The following TRIM28 variants were observed in gnomAD, a reference collection of about 807,000 sequenced individuals.
The protein encoded by TRIM28 is transcription intermediary factor 1-beta.
Under a neutral mutation model 87.4 loss-of-function variants are expected in TRIM28, and 8 were observed. The observed-to-expected ratio is 0.09, with a 90% CI of 0.05 to 0.17. The LOEUF is 0.17. TRIM28 is among the 10% of genes least tolerant of loss of function. The pLI is 1.00. For synonymous variants in TRIM28, 601 were observed against 454.3 expected (o/e 1.32, Z -4.11); for missense variants, 968 against 1,131.8 (o/e 0.86, Z 2.08).
chr19:58,547,711 C>T lies in TRIM28; in HGVS notation c.837C>T (p.Ser279=). 1.2e-6 allele frequency: 2 copies of T among 1,614,120 alleles called. No homozygotes were observed. Among genetic ancestry groups the T allele is most frequent in the Non-Finnish European group, 1.7e-6 (2 of 1,180,016 alleles). The change falls in exon 5 of 17, where the codon AGC becomes AGT. Residue 279 remains serine (S), a splice_region_variant and synonymous_variant. Transcript: ENST00000253024. ...AGAAGAGCACCAAGGAGGTTCGCAG[C>T]TCGTAAGTGTGGGTTCTGGGGCTGT... ...TLQKSTKEVR[S]SIRQVSDVQK...
Position 58,548,467 on chromosome 19 carries a change from TTC to T in TRIM28, c.1217-13_1217-12del, listed in dbSNP as rs745880089. 5.0e-5 allele frequency: 80 copies of T among 1,614,064 alleles called. 1 individual carries two copies. In the East Asian group the frequency reaches 1.5e-3, roughly 30 times the overall value. On this transcript the variant is annotated splice_polypyrimidine_tract_variant and intron_variant, in intron 8 of 16. Coordinates refer to ENST00000253024, the MANE Select transcript of TRIM28 (RefSeq NM_005762.3). ...CCCCACGTGCTGCACCTACTTACGT[TTC>T]TCTCTTCTTTTTGCAGGCAAGATTG...
rs376171251 is a variant in TRIM28 at position 58,548,338 on chromosome 19, C to T, written c.1146C>T (p.Pro382=). 7.4e-6 allele frequency: 12 copies of T among 1,614,036 alleles called. No homozygotes were observed. Among genetic ancestry groups the T allele is most frequent in the Admixed American group, 3.3e-5 (2 of 59,996 alleles). Residue 382 remains proline, a synonymous_variant, in exon 8 of 17, where the codon CCC becomes CCT. Transcript: ENST00000253024. The part of the protein sequence containing the change: ...LHRALKMIVD[P]VEPHGEMKFQ... ...GGGCCCTCAAGATGATTGTGGATCC[C>T]GTGGAGCCACATGGCGAGATGAAGT...
Position 58,548,144 on chromosome 19 carries a change from T to A in TRIM28, c.1065T>A (p.Ser355Arg). The A allele has an allele frequency of 6.2e-7, 1 of 1,613,990 alleles. No individual in the cohort carries two copies. The highest frequency in any genetic ancestry group is 2.2e-5 in the East Asian group (1 of 44,892). The change falls in exon 7 of 17, where the codon AGT becomes AGA. Residue 355 changes from serine (S) to arginine (R), a missense_variant. Ser to Arg is a moderately radical substitution (Grantham distance 110). Transcript: ENST00000253024. Reference sequence around the variant, plus strand: ...GCTTTGCCTCTTGGGCTCTGGAGAGTGACAACAACACAGCCCTTTTGCTTT... The same window carrying A: ...GCTTTGCCTCTTGGGCTCTGGAGAGAGACAACAACACAGCCCTTTTGCTTT... ...ILRFASWALE[S>R]DNNTALLLSK... is the part of the protein sequence containing the mutation.
In TRIM28 at chr19:58,545,027, C is replaced by T. The variant is rs1340250841; in HGVS notation, c.270C>T (p.Ala90=). 2.7e-6 allele frequency: 4 copies of T among 1,481,798 alleles called. No homozygotes were observed. The highest frequency in any genetic ancestry group is 3.5e-6 in the Non-Finnish European group (4 of 1,130,158). The allele number at this position is 1,481,798 out of a possible 1,614,324, so 91.8% of individuals were successfully genotyped here. Residue 90 remains alanine (A), a synonymous_variant, in exon 1 of 17, where the codon GCC becomes GCT. Transcript: ENST00000253024. ...CCTGTTTGCACTCGGCCTGTAGTGC[C>T]TGCTTAGGGCCCGCGGCCCCCGCCG... The part of the protein sequence containing the change: ...LLPCLHSACS[A]CLGPAAPAAA...
At chr19:58,550,345 C>A (rs1182888101) in intron 16 of TRIM28, 32 bp from the exon 17 acceptor site, 5 of 1,612,782 alleles carry the variant, frequency 3.1e-6, no homozygotes, top group Non-Finnish European at 4.2e-6. Flanking sequence ...GAACTAGGAC[C>A]CATTCATCCA....
At chr19:58,550,072 G>A (rs777935542) in intron 15 of TRIM28, 37 bp downstream of exon 15, 3 of 1,613,602 alleles carry the variant, frequency 1.9e-6, no homozygotes, top group Admixed American at 1.7e-5. Flanking sequence ...GGGGGTGGTG[G>A]CTGCTGGGTC....
At chr19:58,546,893 A>G (rs949013823) in intron 3 of TRIM28, among the ~76,000 whole-genome samples, 7 of 152,088 alleles carry the variant, frequency 4.6e-5, no homozygotes, top group Non-Finnish European at 1.0e-4. Context: ...AACCTCTACA[A>G]GGTTTCCTCT....
At chr19:58,546,554 G>T (rs943067825) in intron 3 of TRIM28, among the ~76,000 whole-genome samples, 1 of 152,194 alleles carries the variant, frequency 6.6e-6, no homozygotes, top group Admixed American at 6.5e-5. Context: ...GAAGGTGGTG[G>T]CTGTGGGGCC....
rs2053742354 is a variant in TRIM28, at chr19:58,544,624, G to C, written c.-134G>C. On this transcript the variant is annotated 5_prime_UTR_variant, in exon 1 of 17. Transcript: ENST00000253024. ...CCGCGCGCGGCGGGCAGCGGCCCAG[G>C]AGGCGCGTGGCGGCGCTCGGCCTCG... The C allele has an allele frequency of 4.5e-6, 1 of 223,986 alleles. No homozygotes were observed. Among genetic ancestry groups the C allele is most frequent in the Non-Finnish European group, 7.4e-6 (1 of 134,904 alleles). The allele number at this position is 223,986 out of a possible 1,614,324, so 13.9% of individuals were successfully genotyped here. A position where few individuals can be genotyped will look rare whatever the true frequency, so the allele number is the denominator to read the frequency against.
intron 7 of TRIM28, 25 bp downstream of exon 7, chr19:58,548,205 G>A: frequency 1.2e-6 from 2 of 1,613,568 alleles, no homozygotes; most frequent in Non-Finnish European, 1.7e-6. Context: ...GCTCCTGGCT[G>A]GTGGGTTCCA....
rs1027678636 is a variant in TRIM28 at position 58,548,547 on chromosome 19, A to G, written c.1278A>G (p.Pro426=). ...CAGGCCCTGCACCCATGGCCCCTCC[A>G]AGAGCCCCAGGGCCCCTGAGCAAGC... ...NSTGPAPMAP[P]RAPGPLSKQG... Residue 426 remains proline (P), a synonymous_variant, in exon 9 of 17, where the codon CCA becomes CCG. Coordinates refer to ENST00000253024, the MANE Select transcript of TRIM28 (RefSeq NM_005762.3). 6.8e-6 allele frequency: 11 copies of G among 1,613,914 alleles called. No individual in the cohort carries two copies. The highest frequency in any genetic ancestry group is 3.3e-5 in the Admixed American group (2 of 60,010).
rs1555799566 is a variant in TRIM28 at position 58,549,381 on chromosome 19, C to T, written c.1713C>T (p.Gly571=). 2 of 1,577,468 alleles carry T rather than the reference C, an allele frequency of 1.3e-6. No individual in the cohort carries two copies. The highest frequency in any genetic ancestry group is 8.6e-7 in the Non-Finnish European group (1 of 1,158,566). Residue 571 remains glycine (G), a synonymous_variant, in exon 13 of 17, where the codon GGC becomes GGT. Coordinates refer to ENST00000253024, the MANE Select transcript of TRIM28 (RefSeq NM_005762.3). This position sits in a 1 kb window ranked among gnomAD's most constrained non-coding sequence, Gnocchi z 4.4. ...AIGAPPTATE[G]PETKPVLMAL... Reference sequence around the variant, plus strand: ...GAGCCCCTCCTACTGCCACTGAGGGCCCTGAGACCAAACCTGTGCTTATGG... The same window carrying T: ...GAGCCCCTCCTACTGCCACTGAGGGTCCTGAGACCAAACCTGTGCTTATGG...
Position 58,548,535 on chromosome 19 carries a change from C to T in TRIM28, c.1266C>T (p.Pro422=). The T allele has an allele frequency of 6.2e-7, 1 of 1,613,996 alleles. No individual in the cohort carries two copies. The highest frequency in any genetic ancestry group is 1.7e-5 in the Admixed American group (1 of 60,028). The part of the protein sequence containing the change: ...RPGTNSTGPA[P]MAPPRAPGPL... The stretch of plus-strand genomic sequence containing the variant: ...GCACTAACTCAACAGGCCCTGCACC[C>T]ATGGCCCCTCCAAGAGCCCCAGGGC... The change falls in exon 9 of 17, where the codon CCC becomes CCT. Residue 422 remains proline (P), a synonymous_variant. Coordinates refer to ENST00000253024, the MANE Select transcript of TRIM28 (RefSeq NM_005762.3).
Position 58,550,554 on chromosome 19 carries a change from G to T in TRIM28, c.*1G>T. On this transcript the variant is annotated 3_prime_UTR_variant, in exon 17 of 17. Transcript: ENST00000253024. ...TGGTGGCCCTGGTGATGGCCCCTGA[G>T]GCTGGAGCCCCCATGGCCAGCCCAG... 6.2e-7 allele frequency: 1 copy of T among 1,604,574 alleles called. No homozygotes were observed.
chr19:58,549,000 T>A lies in TRIM28; in HGVS notation c.1422T>A (p.Gly474=). The part of the protein sequence containing the change: ...HVSGVKRSRS[G]EGEVSGLMRK... The stretch of plus-strand genomic sequence containing the variant: ...GCTGCATCTACAGGTCCCGCTCAGG[T>A]GAGGGCGAGGTGAGCGGCCTTATGC... The change falls in exon 12 of 17, where the codon GGT becomes GGA. Residue 474 remains glycine (G), a synonymous_variant. Coordinates refer to ENST00000253024, the MANE Select transcript of TRIM28 (RefSeq NM_005762.3). 6.2e-7 allele frequency: 1 copy of A among 1,613,958 alleles called. No individual in the cohort carries two copies. The highest frequency in any genetic ancestry group is 8.5e-7 in the Non-Finnish European group (1 of 1,179,978).
Position 58,549,539 on chromosome 19 carries a change from G to A in TRIM28, c.1871G>A (p.Ser624Asn). 6.2e-7 allele frequency: 1 copy of A among 1,614,072 alleles called. No homozygotes were observed. Residue 624 changes from serine to asparagine, a missense_variant, in exon 13 of 17, where the codon AGT becomes AAT. Coordinates refer to ENST00000253024, the MANE Select transcript of TRIM28 (RefSeq NM_005762.3). This position sits in a 1 kb window ranked among gnomAD's most constrained non-coding sequence, Gnocchi z 4.4. ...PGGGPGTLDDSATICRVCQKP... is the reference protein window; with the variant it reads ...PGGGPGTLDDNATICRVCQKP... ...GGTGGCCCGGGAACCCTGGATGACA[G>A]TGCCACCATTTGCCGTGTCTGCCAG...
intron 6 of TRIM28, 38 bp downstream of exon 6, chr19:58,547,944 C>G (rs200132486): frequency 9.5e-5 from 154 of 1,613,550 alleles, no homozygotes; most frequent in Non-Finnish European, 1.1e-4. Context: ...CCTGAGCCCC[C>G]TCTGCTGATT....
At chr19:58,550,345 C>T in intron 16 of TRIM28, 32 bp from the exon 17 acceptor site, 2 of 1,612,782 alleles carry the variant, frequency 1.2e-6, no homozygotes, top group Non-Finnish European at 1.7e-6. Flanking sequence ...GAACTAGGAC[C>T]CATTCATCCA....
Position 58,550,504 on chromosome 19 carries a change from C to T in TRIM28, c.2459C>T (p.Ala820Val), listed in dbSNP as rs751329136. Residue 820 changes from alanine (A) to valine (V), a missense_variant, in exon 17 of 17, where the codon GCT becomes GTT. By Grantham distance (64) the Ala-to-Val change is moderately conservative. Coordinates refer to ENST00000253024, the MANE Select transcript of TRIM28 (RefSeq NM_005762.3). ...VEPPPMSLPG[A>V]GLSSQELSGG... Reference sequence around the variant, plus strand: ...CCCCCGCCGATGAGCCTGCCTGGTGCTGGCCTGAGTTCCCAGGAGCTGTCT... The same window carrying T: ...CCCCCGCCGATGAGCCTGCCTGGTGTTGGCCTGAGTTCCCAGGAGCTGTCT... The T allele has an allele frequency of 2.5e-6, 4 of 1,612,510 alleles. No individual in the cohort carries two copies. The African/African-American group carries it at 4.0e-5, about 16-fold the overall frequency.
Sources: gnomAD v4.1 joint callset for allele counts (sites outside exome capture counted in the v4.1 genomes callset) on GRCh38, gnomAD v4.1.1 for gene constraint, Gnocchi (gnomAD v3.1) non-coding constraint, MANE v1.5 for transcripts, NCBI Gene and HGNC (gene_info 2026-07-23, HGNC 2026-07-21) for gene names.